Variants in TMEM74 observed in about 807,000 individuals in gnomAD.
The protein encoded by TMEM74 is transmembrane protein 74.
Under a neutral mutation model 18.1 loss-of-function variants are expected in TMEM74, and 13 were observed. That is an observed-to-expected ratio of 0.72 (90% confidence interval 0.47 to 1.14). The LOEUF (loss-of-function observed/expected upper bound fraction) is 1.14. Among genes scored for constraint, TMEM74 ranks in the 50% most tolerant of loss-of-function variants. The pLI, the probability that TMEM74 is intolerant of heterozygous loss-of-function variation, is 0.00. For missense variants in TMEM74, 372 were observed against 375.9 expected, an observed-to-expected ratio of 0.99 and a Z score of 0.09; for synonymous variants, 159 against 146.6, an observed-to-expected ratio of 1.08 and a Z score of -0.61.
intron 1 of TMEM74, among the ~76,000 whole-genome samples, chr8:108,712,731 G>A (rs1412925996): frequency 2.6e-5 from 4 of 152,134 alleles, no homozygotes; most frequent in Non-Finnish European, 5.9e-5. Context: ...GCGTGTGTGT[G>A]TGTGTGTTGT....
At chr8:108,660,565 A>G (rs1039386334) in intron 1 of TMEM74, among the ~76,000 whole-genome samples, 5 of 152,184 alleles carry the variant, frequency 3.3e-5, no homozygotes, top group Admixed American at 1.3e-4. Context: ...CATTTGGGTA[A>G]TTAACACATC....
chr8:108,657,879 T>TATATATATATATATATTAATTAC (rs1812858409), intron 1 of TMEM74, among the ~76,000 whole-genome samples: 4 of 82,730 alleles, frequency 4.8e-5, no homozygotes, highest in African/African-American at 1.8e-4. Flanking sequence ...TATATATATA[T>TATATATATATATATATTAATTAC]ATATATATAT....
At chr8:108,740,743 G>A (rs959880207) in intron 1 of TMEM74, among the ~76,000 whole-genome samples, 4 of 152,164 alleles carry the variant, frequency 2.6e-5, no homozygotes, top group Admixed American at 2.6e-4. Flanking sequence ...CTGCTGGGAA[G>A]GGGGTAAAAT....
intron 1 of TMEM74, among the ~76,000 whole-genome samples, chr8:108,672,366 T>G (rs1813012366): frequency 6.6e-6 from 1 of 152,190 alleles, no homozygotes; most frequent in Non-Finnish European, 1.5e-5. Context: ...TACTCAATCA[T>G]CCAGATGTTT....
In TMEM74 at chr8:108,619,865, A is replaced by G. The variant is rs150128693; in HGVS notation, n.265-11039T>C. 1.1e-4 allele frequency among the ~76,000 whole-genome samples: 17 copies of G among 152,308 alleles called. No homozygotes were observed. The East Asian group carries it at 3.3e-3, about 29-fold the overall frequency. On this transcript the variant is annotated intron_variant and non_coding_transcript_variant, in intron 2 of 3. Transcript: ENST00000518838. ...AAGATTCATATAATGTATGAACCAC[A>G]TAACTCTTTGTGGGAGAAATGTAAA...
intron 1 of TMEM74, among the ~76,000 whole-genome samples, chr8:108,713,646 A>T (rs1419416577): frequency 6.6e-6 from 1 of 152,226 alleles, no homozygotes; most frequent in Non-Finnish European, 1.5e-5. Context: ...TATTAAGGGC[A>T]TACATATACC....
intron 2 of TMEM74, among the ~76,000 whole-genome samples, chr8:108,617,749 A>C (rs144797452): frequency 0.012 from 1,802 of 152,214 alleles, 46 homozygotes; most frequent in African/African-American, 0.042. Context: ...TCAAGTCCTC[A>C]GAGAAGGTCT....
At chr8:108,710,463 A>G (rs1295105060) in intron 1 of TMEM74, among the ~76,000 whole-genome samples, 1 of 152,214 alleles carries the variant, frequency 6.6e-6, no homozygotes, top group African/African-American at 2.4e-5. Flanking sequence ...CAGGTTCACA[A>G]CTAAGCCAAC....
At position 108,781,738 on chromosome 8, in the gene TMEM74, A is replaced by C. The variant is rs1814309411; in HGVS notation, c.*2443T>G. Among the ~76,000 whole-genome samples, 1 of 152,226 alleles carries C rather than the reference A, an allele frequency of 6.6e-6. No individual in the cohort carries two copies. The highest frequency in any genetic ancestry group is 1.5e-5 in the Non-Finnish European group (1 of 68,042). ...AATTATAGCATTCTAGGGAAAAGAAAGGAAATGTATTTTGATGTGTTAGGT... is the reference window on the plus strand; with the variant it reads ...AATTATAGCATTCTAGGGAAAAGAACGGAAATGTATTTTGATGTGTTAGGT... On this transcript the variant is annotated 3_prime_UTR_variant, in exon 2 of 2. Transcript: ENST00000297459.
At chr8:108,651,417 C>A (rs1161647545) in intron 2 of TMEM74, among the ~76,000 whole-genome samples, 1 of 152,134 alleles carries the variant, frequency 6.6e-6, no homozygotes, top group Non-Finnish European at 1.5e-5. Context: ...CTGTAATTAA[C>A]AATCACTAAT....
chr8:108,609,118 T>C (rs1390921238), intron 2 of TMEM74, among the ~76,000 whole-genome samples: 2 of 152,224 alleles, frequency 1.3e-5, no homozygotes. Flanking sequence ...CTTTGATCAT[T>C]GGAGACAAAG....
At chr8:108,719,897 T>G (rs960046013) in intron 1 of TMEM74, among the ~76,000 whole-genome samples, 2 of 152,164 alleles carry the variant, frequency 1.3e-5, no homozygotes, top group African/African-American at 4.8e-5. Context: ...ACTGTTTCGA[T>G]TTGTTGGAAG....
chr8:108,713,462 AT>A (rs1198894409), intron 1 of TMEM74, among the ~76,000 whole-genome samples: 1 of 152,178 alleles, frequency 6.6e-6, no homozygotes. Flanking sequence ...TTCAATACAT[AT>A]TTTTTATCAC....
chr8:108,742,198 C>CG (rs1813807813), intron 1 of TMEM74, among the ~76,000 whole-genome samples: 1 of 152,010 alleles, frequency 6.6e-6, no homozygotes, highest in African/African-American at 2.4e-5. Context: ...GGGTACGAGG[C>CG]TTAGTACCTG....
chr8:108,684,962 C>T (rs1813153905), intron 1 of TMEM74, among the ~76,000 whole-genome samples: 1 of 151,858 alleles, frequency 6.6e-6, no homozygotes, highest in Admixed American at 6.6e-5. Flanking sequence ...TTTTCTATGT[C>T]TGTGAAGAAT....
In TMEM74 at chr8:108,735,372, C is replaced by T. The variant is rs534894712; in HGVS notation, n.119+52104G>A. Reference sequence around the variant, plus strand: ...TCTCATCCTTCTATCCCCCCATTTCCCCACTCCTCAGCCCTGAGCATCTAA... The same window carrying T: ...TCTCATCCTTCTATCCCCCCATTTCTCCACTCCTCAGCCCTGAGCATCTAA... On this transcript the variant is annotated intron_variant and non_coding_transcript_variant, in intron 1 of 3. Transcript: ENST00000518838. 3.3e-5 allele frequency among the ~76,000 whole-genome samples: 5 copies of T among 152,192 alleles called. No homozygotes were observed. In the South Asian group the frequency reaches 1.0e-3, roughly 32 times the overall value.
At chr8:108,761,360 A>G (rs1380889279) in intron 1 of TMEM74, among the ~76,000 whole-genome samples, 2 of 152,144 alleles carry the variant, frequency 1.3e-5, no homozygotes, top group Non-Finnish European at 2.9e-5. Flanking sequence ...ATATAAAGAG[A>G]TCTGCACAGA....
At chr8:108,717,962 T>G (rs1328878758) in intron 1 of TMEM74, among the ~76,000 whole-genome samples, 1 of 55,826 alleles carries the variant, frequency 1.8e-5, no homozygotes, top group Non-Finnish European at 2.7e-5. Flanking sequence ...TTTTTTTTTT[T>G]TTTTTTTTTT....
intron 2 of TMEM74, among the ~76,000 whole-genome samples, chr8:108,647,988 A>C (rs1303006300): frequency 1.3e-5 from 2 of 152,170 alleles, no homozygotes; most frequent in African/African-American, 4.8e-5. Context: ...TGAGCATTCT[A>C]GGCAAGGGAA....
Sources: gnomAD v4.1 joint callset for allele counts (sites outside exome capture counted in the v4.1 genomes callset) on GRCh38, gnomAD v4.1.1 for gene constraint, MANE v1.5 for transcripts, NCBI Gene and HGNC (gene_info 2026-07-23, HGNC 2026-07-21) for gene names.